DNAH10: variants seen among roughly 807,000 people sequenced by gnomAD.
DNAH10 encodes the protein axonemal beta dynein heavy chain 10.
In DNAH10, 348 loss-of-function variants were observed where a neutral mutation model predicts 506.6. That is an observed-to-expected ratio of 0.69 (90% CI 0.63 to 0.75). The LOEUF is 0.75. Ranked by LOEUF, DNAH10 falls within the 30% of genes least tolerant of loss-of-function variation. The pLI is 0.00. For missense variants in DNAH10, 5,179 were observed against 5,787.1 expected (o/e 0.89, Z 3.41); for synonymous variants, 2,059 against 2,198.6 (o/e 0.94, Z 1.78).
chr12:123,791,779 C>T (rs1565907963), intron 11 of DNAH10, among the ~76,000 whole-genome samples: 2 of 152,018 alleles, frequency 1.3e-5, no homozygotes, highest in African/African-American at 2.4e-5. Flanking sequence ...CTCTGTTGCC[C>T]AGGTTGGTCT....
rs775765787 is a variant in DNAH10, at chr12:123,813,690, C to T, written c.3621+50C>T. The T allele has an allele frequency of 3.1e-6, 5 of 1,608,580 alleles. No individual in the cohort carries two copies. In the South Asian group the frequency reaches 5.5e-5, roughly 18 times the overall value. On this transcript the variant is annotated intron_variant, in intron 20 of 78. Transcript: ENST00000673944. ...AAACTACTTTTCGTGTAAGTTGGGT[C>T]TTCATTTGCGCCATTACTGTTTTTT...
chr12:123,865,888 C>G (rs116922793), intron 40 of DNAH10, 63 bp from the exon 41 acceptor site: 1 of 1,466,320 alleles, frequency 6.8e-7, no homozygotes, highest in Non-Finnish European at 9.0e-7. Context: ...AGAGAAGGTC[C>G]TTAAACATCT....
chr12:123,779,484 C>T (rs548059938), intron 5 of DNAH10, among the ~76,000 whole-genome samples: 46 of 152,152 alleles, frequency 3.0e-4, no homozygotes, highest in African/African-American at 1.0e-3. Context: ...ATGAAATGTA[C>T]GGGATCATCT....
chr12:123,806,647 TTAAA>T (rs1413212818), intron 18 of DNAH10, among the ~76,000 whole-genome samples: 1 of 152,236 alleles, frequency 6.6e-6, no homozygotes, highest in Non-Finnish European at 1.5e-5. Context: ...AGTTGATCCT[TTAAA>T]TAACTCTGTT....
Position 123,826,670 on chromosome 12 carries a change from TC to T in DNAH10, c.4180-15del, listed in dbSNP as rs1312336698. The T allele has an allele frequency of 6.2e-7, 1 of 1,611,118 alleles. No individual in the cohort carries two copies. The highest frequency in any genetic ancestry group is 1.3e-5 in the African/African-American group (1 of 74,966). On this transcript the variant is annotated splice_polypyrimidine_tract_variant and intron_variant, in intron 24 of 78. Coordinates refer to ENST00000673944, the MANE Select transcript of DNAH10 (RefSeq NM_001372106.1). ...AAGGGGTCTTTGTTGATGGAGCTGT[TC>T]CTTGCACGTTTCCAGGTTGCAAAAG...
rs746144833 is a variant in DNAH10 at position 123,897,881 on chromosome 12, G to A, written c.9392G>A (p.Arg3131His). The A allele has an allele frequency of 9.9e-6, 16 of 1,610,846 alleles. No individual in the cohort carries two copies. Among genetic ancestry groups the A allele is most frequent in the East Asian group, 2.2e-5 (1 of 44,804 alleles). The change falls in exon 55 of 79, where the codon CGC (arginine) becomes CAC (histidine). Residue 3131 changes from arginine (R) to histidine (H), a missense_variant. Arg to His is a conservative substitution (Grantham distance 29). This residue lies in a region of DNAH10 where 4,844 missense variants were observed against 5,430.5 expected (regional missense o/e 0.89). Coordinates refer to ENST00000673944, the MANE Select transcript of DNAH10 (RefSeq NM_001372106.1). ...CAACAGTTTCTACAGAAATTGAGGC[G>A]CAGCAACTATGTCACTCCCAAGAAC... is the stretch of plus-strand genomic sequence containing the variant. The part of the protein sequence containing the change: ...YSQQFLQKLR[R>H]SNYVTPKNYL...
chr12:123,869,925 CCT>C (rs1951961808), intron 43 of DNAH10, among the ~76,000 whole-genome samples: 1 of 152,196 alleles, frequency 6.6e-6, no homozygotes, highest in Non-Finnish European at 1.5e-5. Flanking sequence ...TGTTCCTGCC[CCT>C]CTCCTGCTGC....
chr12:123,859,078 T>C, intron 37 of DNAH10, 72 bp from the exon 38 acceptor site: 1 of 1,328,520 alleles, frequency 7.5e-7, no homozygotes, highest in Non-Finnish European at 1.1e-6. Context: ...ATGGCGTGTG[T>C]GTTGTATCGC....
chr12:123,780,723 G>A (rs1042237492), intron 5 of DNAH10, among the ~76,000 whole-genome samples: 2 of 151,382 alleles, frequency 1.3e-5, no homozygotes, highest in African/African-American at 2.4e-5. Context: ...GGAGGCCGGG[G>A]GTGGATCATG....
Position 123,835,453 on chromosome 12 carries a change from T to C in DNAH10, c.4827T>C (p.Phe1609=), listed in dbSNP as rs992583272. 1 of 1,609,852 alleles carries C rather than the reference T, an allele frequency of 6.2e-7. No individual in the cohort carries two copies. The highest frequency in any genetic ancestry group is 1.3e-5 in the African/African-American group (1 of 75,030). Residue 1609 remains phenylalanine (F), a synonymous_variant, in exon 28 of 79, where the codon TTT becomes TTC. Coordinates refer to ENST00000673944, the MANE Select transcript of DNAH10 (RefSeq NM_001372106.1). ...QRKWMYLESI[F]IGGDIRSQLP... is the part of the protein sequence containing the mutation. ...AATGGATGTATCTTGAAAGTATTTT[T>C]ATTGGTGGAGATATAAGATCACAAC...
At position 123,925,506 on chromosome 12, in the gene DNAH10, A is replaced by G. The variant is rs1954904513; in HGVS notation, c.11921+302A>G. ...TTTAAATGAATATATTAAAATTATC[A>G]TTTGAATGTATAATCAATATGAACA... On this transcript the variant is annotated intron_variant, in intron 68 of 78. Coordinates refer to ENST00000673944, the MANE Select transcript of DNAH10 (RefSeq NM_001372106.1). This position sits in a 1 kb window ranked among gnomAD's most constrained non-coding sequence, Gnocchi z 4.0. The G allele has an allele frequency of 7.4e-6, 2 of 269,290 alleles. No individual in the cohort carries two copies. The highest frequency in any genetic ancestry group is 6.9e-6 in the Non-Finnish European group (1 of 145,116). The allele number at this position is 269,290 out of a possible 1,614,324, so 16.7% of individuals were successfully genotyped here. A position where few individuals can be genotyped will look rare whatever the true frequency, so the allele number is the denominator to read the frequency against.
At chr12:123,840,142 C>G (rs943144526) in intron 29 of DNAH10, among the ~76,000 whole-genome samples, 7 of 151,834 alleles carry the variant, frequency 4.6e-5, no homozygotes, top group African/African-American at 1.7e-4. Flanking sequence ...AGCACCCCCT[C>G]CCTAGTTATG....
intron 54 of DNAH10, among the ~76,000 whole-genome samples, chr12:123,896,146 CACAGAGAGAG>C (rs1484092521): frequency 2.0e-5 from 2 of 102,470 alleles, no homozygotes; most frequent in East Asian, 2.4e-4. Flanking sequence ...CACACACACA[CACAGAGAGAG>C]AGAGAGAGAG....
At position 123,861,083 on chromosome 12, in the gene DNAH10, T is replaced by C; in HGVS notation, c.6821T>C (p.Leu2274Pro). The C allele has an allele frequency of 1.2e-6, 2 of 1,613,932 alleles. No homozygotes were observed. The highest frequency in any genetic ancestry group is 8.5e-7 in the Non-Finnish European group (1 of 1,179,890). The stretch of plus-strand genomic sequence containing the variant: ...AGTGTCATAGAACTCTACGGCATCC[T>C]GGACCCAACCACCCGAGACTGGACA... ...AVSVIELYGI[L>P]DPTTRDWTDG... The change falls in exon 39 of 79, where the codon CTG becomes CCG. Residue 2274 changes from leucine to proline, a missense_variant. By Grantham distance (98) the Leu-to-Pro change is moderately conservative (BLOSUM62 -3). This residue lies in a region of DNAH10 where 4,844 missense variants were observed against 5,430.5 expected (regional missense o/e 0.89). Coordinates refer to ENST00000673944, the MANE Select transcript of DNAH10 (RefSeq NM_001372106.1).
intron 21 of DNAH10, among the ~76,000 whole-genome samples, chr12:123,815,148 T>C (rs547248424): frequency 3.9e-5 from 6 of 152,340 alleles, no homozygotes; most frequent in Non-Finnish European, 8.8e-5. Flanking sequence ...TCCTGTAGTA[T>C]TGAGTTTTCC....
chr12:123,799,298 G>T lies in DNAH10; in HGVS notation c.2216G>T (p.Arg739Ile), dbSNP rs1442914390. 1 of 1,613,818 alleles carries T rather than the reference G, an allele frequency of 6.2e-7. No homozygotes were observed. Among genetic ancestry groups the T allele is most frequent in the Non-Finnish European group, 8.5e-7 (1 of 1,179,914 alleles). The change falls in exon 14 of 79, where the codon AGA becomes ATA. Residue 739 changes from arginine to isoleucine, a missense_variant. Transcript: ENST00000673944. ...VGRTMKEYED[R>I]KYEQWMEVTE... ...AGGACAATGAAGGAGTATGAAGACA[G>T]AAAGTATGAGCAGTGGATGGAGGTG...
intron 27 of DNAH10, among the ~76,000 whole-genome samples, chr12:123,833,674 A>C (rs1960815948): frequency 6.6e-6 from 1 of 152,150 alleles, no homozygotes; most frequent in East Asian, 1.9e-4. Context: ...AAAATTAGAA[A>C]CATACTTATT....
At chr12:123,884,830 C>T (rs759515988) in intron 51 of DNAH10, among the ~76,000 whole-genome samples, 2 of 152,108 alleles carry the variant, frequency 1.3e-5, no homozygotes, top group African/African-American at 2.4e-5. Flanking sequence ...GATGCAGAAG[C>T]GTCTAAAAAA....
At chr12:123,784,789 T>C (rs1957788634) in intron 8 of DNAH10, among the ~76,000 whole-genome samples, 1 of 152,192 alleles carries the variant, frequency 6.6e-6, no homozygotes, top group South Asian at 2.1e-4. Context: ...TCTGTCTTTG[T>C]AAATCTGACT....
Sources: gnomAD v4.1 joint callset for allele counts (sites outside exome capture counted in the v4.1 genomes callset) on GRCh38, gnomAD v4.1.1 for gene constraint, gnomAD v4.1.1 regional missense constraint, Gnocchi (gnomAD v3.1) non-coding constraint, MANE v1.5 for transcripts, NCBI Gene and HGNC (gene_info 2026-07-23, HGNC 2026-07-21) for gene names.